ABI2: variants seen among roughly 807,000 people sequenced by gnomAD.
The protein encoded by ABI2 is abelson interactor 2.
ABI2 carries 25 observed loss-of-function variants against 59.2 expected under a neutral mutation model. The ratio of observed to expected loss-of-function variants is 0.42; its 90% confidence interval spans 0.31 to 0.59. ABI2 has a LOEUF of 0.59. Ranked by LOEUF, ABI2 falls within the 20% of genes least tolerant of loss-of-function variation. The probability of loss-of-function intolerance (pLI) is 0.14; values close to 1 mark genes in which losing one functional copy is unlikely to be tolerated. For missense variants in ABI2, 545 were observed against 681.8 expected, an observed-to-expected ratio of 0.80 and a Z score of 2.23; for synonymous variants, 213 against 235.5, an observed-to-expected ratio of 0.90 and a Z score of 0.87.
At chr2:203,353,376 T>C in intron 1 of ABI2, among the ~76,000 whole-genome samples, 1 of 152,300 alleles carries the variant, frequency 6.6e-6, no homozygotes, top group African/African-American at 2.4e-5. Flanking sequence ...TAGCACAGAT[T>C]TGATTATTTT....
intron 9 of ABI2, among the ~76,000 whole-genome samples, chr2:203,407,857 A>G (rs113857824): frequency 0.019 from 2,892 of 152,300 alleles, 40 homozygotes; most frequent in Non-Finnish European, 0.027. Context: ...ATTCTGCTTA[A>G]ATTCACTTAA....
At chr2:203,374,748 TAAA>T in intron 2 of ABI2, 1 of 423,062 alleles carries the variant, frequency 2.4e-6, no homozygotes, top group Non-Finnish European at 5.0e-6. Flanking sequence ...AGCTTACTAA[TAAA>T]AAAAATTGAG....
At chr2:203,373,537 A>G (rs2095464708) in intron 2 of ABI2, among the ~76,000 whole-genome samples, 2 of 151,836 alleles carry the variant, frequency 1.3e-5, no homozygotes, top group African/African-American at 4.8e-5. Flanking sequence ...CTAAACTAAA[A>G]TTTTTCTAAG....
chr2:203,329,944 C>T (rs1351381247), intron 1 of ABI2, among the ~76,000 whole-genome samples: 2 of 152,040 alleles, frequency 1.3e-5, no homozygotes, highest in African/African-American at 4.8e-5. Context: ...ACCATGTTGA[C>T]CAGACTGGTC....
intron 6 of ABI2, 91 bp downstream of exon 6, chr2:203,394,937 T>C: frequency 7.1e-7 from 1 of 1,416,952 alleles, no homozygotes; most frequent in South Asian, 1.2e-5. Context: ...TTCCAAGCAC[T>C]AAGTTCTTTT....
chr2:203,408,887 G>A (rs368505246), intron 9 of ABI2, among the ~76,000 whole-genome samples: 5 of 122,032 alleles, frequency 4.1e-5, no homozygotes, highest in Admixed American at 1.1e-4. Flanking sequence ...GTCGGACTGC[G>A]GACTGCAGTG....
In ABI2 at chr2:203,402,616, T is replaced by G; in HGVS notation, c.1074T>G (p.Ser358=). The G allele has an allele frequency of 6.2e-7, 1 of 1,601,378 alleles. No individual in the cohort carries two copies. Among genetic ancestry groups the G allele is most frequent in the Non-Finnish European group, 8.5e-7 (1 of 1,175,654 alleles). The change falls in exon 9 of 12, where the codon TCT becomes TCG. Residue 358 remains serine, a synonymous_variant. Transcript: ENST00000261018. ...TCTACAGCATGAATAGGCCTGCCTC[T>G]CGCCATACTCCCCCAACAATAGGGG... ...VQFYSMNRPA[S]RHTPPTIGGS...
At chr2:203,339,007 TAA>T (rs1559155069) in intron 1 of ABI2, among the ~76,000 whole-genome samples, 5 of 99,256 alleles carry the variant, frequency 5.0e-5, no homozygotes, top group African/African-American at 1.8e-4. Flanking sequence ...TATATATATA[TAA>T]AGGATTCATA....
rs201700434 is a variant in ABI2 at position 203,402,769 on chromosome 2, G to A, written c.1192+35G>A. On this transcript the variant is annotated intron_variant, in intron 9 of 11. Coordinates refer to ENST00000261018, the MANE Select transcript of ABI2 (RefSeq NM_001375670.1). ...TTTGTTTTTTTGCATTCTATAGAAT[G>A]TATTTAATTAAAAACCTTCAACTAC... is the stretch of plus-strand genomic sequence containing the variant. 9.0e-5 allele frequency: 134 copies of A among 1,489,232 alleles called. No homozygotes were observed. The African/African-American group carries it at 1.8e-3, about 20-fold the overall frequency. 92.3% of individuals were successfully genotyped at this position (1,489,232 alleles called of 1,614,324 possible). A position where few individuals can be genotyped will look rare whatever the true frequency, so the allele number is the denominator to read the frequency against.
At chr2:203,339,716 A>G (rs2152482461) in intron 1 of ABI2, among the ~76,000 whole-genome samples, 1 of 152,342 alleles carries the variant, frequency 6.6e-6, no homozygotes, top group East Asian at 1.9e-4. Context: ...AGACATCTGC[A>G]CACCCATGTT....
chr2:203,328,397 T>C lies in ABI2; in HGVS notation c.-118T>C, dbSNP rs1030304893. On this transcript the variant is annotated 5_prime_UTR_variant, in exon 1 of 12. Coordinates refer to ENST00000261018, the MANE Select transcript of ABI2 (RefSeq NM_001375670.1). ...CGCGCTGGGGCTGTTTCTCGCTCCT[T>C]CCGAGTTACCGCCGCCGTCGCCGCC... The C allele has an allele frequency of 1.2e-6, 1 of 806,316 alleles. No individual in the cohort carries two copies. The highest frequency in any genetic ancestry group is 1.6e-5 in the South Asian group (1 of 62,740). The allele number at this position is 806,316 out of a possible 1,614,324, so 49.9% of individuals were successfully genotyped here. A position where few individuals can be genotyped will look rare whatever the true frequency, so the allele number is the denominator to read the frequency against.
At chr2:203,422,314 T>C (rs2098252729) in intron 11 of ABI2, among the ~76,000 whole-genome samples, 1 of 151,662 alleles carries the variant, frequency 6.6e-6, no homozygotes, top group African/African-American at 2.4e-5. Context: ...ATATCGAGAG[T>C]CCCTATAAAC....
At chr2:203,403,048 CCTTA>C (rs1209595775) in intron 9 of ABI2, among the ~76,000 whole-genome samples, 2 of 152,108 alleles carry the variant, frequency 1.3e-5, no homozygotes, top group Non-Finnish European at 2.9e-5. Context: ...AATCAGACAT[CCTTA>C]CTTTTAAATA....
At chr2:203,373,139 C>A (rs939266748) in intron 2 of ABI2, among the ~76,000 whole-genome samples, 54 of 147,920 alleles carry the variant, frequency 3.7e-4, no homozygotes, top group African/African-American at 6.8e-4. Flanking sequence ...TGTAGCGAGC[C>A]GAGATCACGC....
intron 1 of ABI2, among the ~76,000 whole-genome samples, chr2:203,333,947 T>A (rs7590031): frequency 6.7e-6 from 1 of 148,710 alleles, no homozygotes; most frequent in African/African-American, 2.4e-5. Flanking sequence ...TTCTTTCTTT[T>A]TTTTTTTTTT....
chr2:203,347,523 A>G (rs1364187763), intron 1 of ABI2, among the ~76,000 whole-genome samples: 1 of 152,202 alleles, frequency 6.6e-6, no homozygotes, highest in African/African-American at 2.4e-5. Context: ...GTGCAGTGGA[A>G]ACTCATGGTT....
intron 1 of ABI2, among the ~76,000 whole-genome samples, chr2:203,353,737 G>A (rs4673255): frequency 0.74 from 112,185 of 152,014 alleles, 42,481 homozygotes; most frequent in Middle Eastern, 0.87. Context: ...ACCTCAAGTG[G>A]TCTGTCCACC....
intron 5 of ABI2, chr2:203,394,229 G>C (rs1025843570): frequency 1.9e-5 from 3 of 154,466 alleles, no homozygotes; most frequent in African/African-American, 7.2e-5. Context: ...GTTATGGCTA[G>C]TATTGATCAT....
At chr2:203,393,361 A>G (rs2096848208) in intron 5 of ABI2, among the ~76,000 whole-genome samples, 1 of 152,228 alleles carries the variant, frequency 6.6e-6, no homozygotes, top group Non-Finnish European at 1.5e-5. Flanking sequence ...GGCTGCAACA[A>G]AACATTTTTA....
Sources: allele counts gnomAD v4.1 joint callset (sites outside exome capture counted in the v4.1 genomes callset), GRCh38; gene constraint gnomAD v4.1.1; transcripts MANE v1.5; gene names NCBI Gene and HGNC (gene_info 2026-07-23, HGNC 2026-07-21).